The following ACSS3 variants were observed in gnomAD, a reference collection of about 807,000 sequenced individuals.
ACSS3 encodes acyl-CoA synthetase short chain family member 3, also known as acyl-CoA synthetase short-chain family member 3, mitochondrial.
In ACSS3, 64 loss-of-function variants were observed where a neutral mutation model predicts 84.2. That is an observed-to-expected ratio of 0.76 (90% CI 0.62 to 0.94). ACSS3 has a LOEUF of 0.94. ACSS3 is among the 40% of genes least tolerant of loss of function. ACSS3 has a pLI of 0.00. For missense variants in ACSS3, 815 were observed against 867.6 expected, an observed-to-expected ratio of 0.94 and a Z score of 0.76; for synonymous variants, 317 against 310.1, an observed-to-expected ratio of 1.02 and a Z score of -0.23.
chr12:81,157,230 A>G (rs760485023), intron 7 of ACSS3, among the ~76,000 whole-genome samples: 56 of 152,238 alleles, frequency 3.7e-4, no homozygotes, highest in Admixed American at 2.1e-3. Flanking sequence ...GTAATCTACC[A>G]TATTAATAGG....
At chr12:81,090,927 T>C (rs1456506042) in intron 1 of ACSS3, among the ~76,000 whole-genome samples, 1 of 152,106 alleles carries the variant, frequency 6.6e-6, no homozygotes, top group African/African-American at 2.4e-5. Context: ...TATTTGCATA[T>C]AACCTATGCA....
chr12:81,231,104 A>G lies in ACSS3; in HGVS notation c.1562A>G (p.Glu521Gly). Residue 521 changes from glutamate (E) to glycine (G), a missense_variant, in exon 12 of 16, where the codon GAA becomes GGA. Coordinates refer to ENST00000548058, the MANE Select transcript of ACSS3 (RefSeq NM_024560.4). ...GAFSGLWKNQ[E>G]AFKHLYFEKF... ...TTTTCAGGACTCTGGAAGAATCAGG[A>G]AGCATTCAAGCATTTATACTTTGAA... 2 of 1,610,822 alleles carry G rather than the reference A, an allele frequency of 1.2e-6. No individual in the cohort carries two copies. The highest frequency in any genetic ancestry group is 1.7e-6 in the Non-Finnish European group (2 of 1,178,096).
At chr12:81,247,200 G>A (rs1302850478) in intron 13 of ACSS3, among the ~76,000 whole-genome samples, 1 of 152,084 alleles carries the variant, frequency 6.6e-6, no homozygotes, top group Non-Finnish European at 1.5e-5. Flanking sequence ...GGTTCTGGTT[G>A]CATGAACTTT....
At chr12:81,225,702 T>C (rs1321873086) in intron 11 of ACSS3, among the ~76,000 whole-genome samples, 2 of 151,966 alleles carry the variant, frequency 1.3e-5, no homozygotes, top group Non-Finnish European at 2.9e-5. Flanking sequence ...AATTTCTTTT[T>C]CTTGTAGTTC....
intron 5 of ACSS3, among the ~76,000 whole-genome samples, chr12:81,145,067 AT>A (rs35753293): frequency 0.096 from 9,710 of 100,838 alleles, 547 homozygotes; most frequent in East Asian, 0.3. Context: ...CGCCTGGCTA[AT>A]TTTTTTTTTT....
intron 3 of ACSS3, 144 bp downstream of exon 3, chr12:81,135,148 C>A: frequency 1.4e-6 from 1 of 692,986 alleles, no homozygotes; most frequent in Non-Finnish European, 2.0e-6. Context: ...TCCTAGAAAT[C>A]ATTATATTAA....
At chr12:81,105,920 G>A (rs1406342052) in intron 1 of ACSS3, among the ~76,000 whole-genome samples, 4 of 152,204 alleles carry the variant, frequency 2.6e-5, no homozygotes, top group Non-Finnish European at 4.4e-5. Flanking sequence ...ACTACTTGGG[G>A]AGGGTGGTGG....
At chr12:81,096,265 A>G (rs1324943633) in intron 1 of ACSS3, among the ~76,000 whole-genome samples, 2 of 152,162 alleles carry the variant, frequency 1.3e-5, no homozygotes. Context: ...TGTAAGGAGA[A>G]TGTGTCAGGA....
At chr12:81,140,312 A>T (rs1381334032) in intron 4 of ACSS3, among the ~76,000 whole-genome samples, 1 of 152,140 alleles carries the variant, frequency 6.6e-6, no homozygotes, top group East Asian at 1.9e-4. Context: ...GTAACTTTGA[A>T]CTCATGATCA....
intron 2 of ACSS3, among the ~76,000 whole-genome samples, chr12:81,127,651 AG>A (rs1463763267): frequency 6.6e-6 from 1 of 152,162 alleles, no homozygotes; most frequent in Non-Finnish European, 1.5e-5. Flanking sequence ...GGTTTAGACC[AG>A]GGTTTGCAAT....
At chr12:81,133,631 C>T (rs1885639196) in intron 2 of ACSS3, among the ~76,000 whole-genome samples, 1 of 152,080 alleles carries the variant, frequency 6.6e-6, no homozygotes, top group African/African-American at 2.4e-5. Context: ...GTGAGAATTA[C>T]ATCCACCCCT....
intron 1 of ACSS3, among the ~76,000 whole-genome samples, chr12:81,109,132 G>A (rs949485428): frequency 1.5e-5 from 2 of 137,118 alleles, no homozygotes; most frequent in Non-Finnish European, 3.1e-5. Context: ...AGAATTTTTC[G>A]GTAAGTTTTT....
intron 7 of ACSS3, among the ~76,000 whole-genome samples, chr12:81,161,958 C>T (rs1887174705): frequency 6.6e-6 from 1 of 152,178 alleles, no homozygotes; most frequent in African/African-American, 2.4e-5. Flanking sequence ...AACTGCAGAG[C>T]CCCAAAAAGT....
chr12:81,215,325 T>C (rs2032870241), intron 9 of ACSS3, among the ~76,000 whole-genome samples: 1 of 152,110 alleles, frequency 6.6e-6, no homozygotes, highest in Non-Finnish European at 1.5e-5. Flanking sequence ...TTGCCGATGA[T>C]CCTCAGCAGT....
intron 2 of ACSS3, among the ~76,000 whole-genome samples, chr12:81,126,179 G>T (rs1885081219): frequency 6.6e-6 from 1 of 152,064 alleles, no homozygotes; most frequent in African/African-American, 2.4e-5. Context: ...ATACTAAACT[G>T]CCTTCACTTT....
At chr12:81,107,114 G>T (rs1309622731) in intron 1 of ACSS3, among the ~76,000 whole-genome samples, 1 of 151,978 alleles carries the variant, frequency 6.6e-6, no homozygotes, top group East Asian at 1.9e-4. Context: ...AGAAGGTTAG[G>T]GCTGGAGATC....
chr12:81,091,512 C>A (rs1307444056), intron 1 of ACSS3, among the ~76,000 whole-genome samples: 2 of 151,882 alleles, frequency 1.3e-5, no homozygotes, highest in Non-Finnish European at 2.9e-5. Context: ...CGTTTTACTT[C>A]GCTAGAATAT....
chr12:81,204,234 T>C (rs2032239524), intron 9 of ACSS3, among the ~76,000 whole-genome samples: 1 of 152,136 alleles, frequency 6.6e-6, no homozygotes. Flanking sequence ...AGAGACTTAC[T>C]GTTAAATCCT....
chr12:81,160,043 G>A (rs1446293691), intron 7 of ACSS3, among the ~76,000 whole-genome samples: 2 of 152,198 alleles, frequency 1.3e-5, no homozygotes, highest in African/African-American at 2.4e-5. Context: ...ACAGTGGTGT[G>A]GTTAAGCAAG....
Sources: gnomAD v4.1 joint callset for allele counts (sites outside exome capture counted in the v4.1 genomes callset) on GRCh38, gnomAD v4.1.1 for gene constraint, MANE v1.5 for transcripts, NCBI Gene and HGNC (gene_info 2026-07-23, HGNC 2026-07-21) for gene names.